HS3ST4: variants seen among roughly 807,000 people sequenced by gnomAD.
HS3ST4 encodes heparan sulfate-glucosamine 3-sulfotransferase 4, also known as heparan sulfate glucosamine 3-O-sulfotransferase 4.
In HS3ST4, 17 loss-of-function variants were observed where a neutral mutation model predicts 29.2. The ratio of observed to expected loss-of-function variants is 0.58; its 90% CI spans 0.40 to 0.87. The LOEUF (loss-of-function observed/expected upper bound fraction) is 0.87, where lower values mean the gene tolerates loss of function less well. HS3ST4 is among the 40% of genes least tolerant of loss of function. The pLI, the probability that HS3ST4 is intolerant of heterozygous loss-of-function variation, is 0.00. For synonymous variants in HS3ST4, 314 were observed against 285.7 expected (o/e 1.10, Z -1.00); for missense variants, 627 against 634.5 (o/e 0.99, Z 0.13).
intron 1 of HS3ST4, among the ~76,000 whole-genome samples, chr16:26,124,522 G>C (rs904245151): frequency 8.5e-5 from 13 of 152,162 alleles, no homozygotes; most frequent in African/African-American, 3.1e-4. Context: ...GAAAACATAC[G>C]TAGTACAAGA....
chr16:25,915,201 G>A (rs529988916), intron 1 of HS3ST4, among the ~76,000 whole-genome samples: 41 of 152,156 alleles, frequency 2.7e-4, no homozygotes, highest in African/African-American at 8.4e-4. Flanking sequence ...TTCACTTCAC[G>A]GAAGCCCAGA....
chr16:25,859,159 C>T (rs972466112), intron 1 of HS3ST4, among the ~76,000 whole-genome samples: 23 of 152,132 alleles, frequency 1.5e-4, no homozygotes, highest in African/African-American at 5.3e-4. Context: ...ATTCAGTCCT[C>T]TCTGTATTTC....
intron 1 of HS3ST4, among the ~76,000 whole-genome samples, chr16:25,848,136 AAC>A (rs771642797): frequency 3.3e-5 from 5 of 151,866 alleles, no homozygotes; most frequent in Non-Finnish European, 7.4e-5. Context: ...GGTATTTGCT[AAC>A]TTTTTTTTTT....
chr16:25,851,280 T>C (rs187242334), intron 1 of HS3ST4, among the ~76,000 whole-genome samples: 63 of 152,292 alleles, frequency 4.1e-4, no homozygotes, highest in Non-Finnish European at 8.4e-4. Context: ...TATTATTTGC[T>C]CACCATTTCT....
intron 1 of HS3ST4, among the ~76,000 whole-genome samples, chr16:25,903,565 C>T (rs977657050): frequency 6.6e-6 from 1 of 152,010 alleles, no homozygotes; most frequent in African/African-American, 2.4e-5. Context: ...CACATAGCAA[C>T]TGACGTTCCT....
intron 1 of HS3ST4, among the ~76,000 whole-genome samples, chr16:26,080,943 G>A (rs1469506610): frequency 2.0e-5 from 3 of 152,130 alleles, no homozygotes; most frequent in Non-Finnish European, 4.4e-5. Flanking sequence ...GCAGCTAAGA[G>A]CTTGTTGGAA....
At chr16:26,116,556 A>G (rs2141806895) in intron 1 of HS3ST4, among the ~76,000 whole-genome samples, 1 of 150,930 alleles carries the variant, frequency 6.6e-6, no homozygotes, top group East Asian at 1.9e-4. Flanking sequence ...TAAGAAAAAT[A>G]AATTTAAAGA....
intron 1 of HS3ST4, among the ~76,000 whole-genome samples, chr16:26,060,866 G>T (rs1898466285): frequency 6.6e-6 from 1 of 152,160 alleles, no homozygotes; most frequent in Non-Finnish European, 1.5e-5. Context: ...TTACTGATTG[G>T]CTGGGTATTC....
chr16:25,956,248 C>T (rs1395335202), intron 1 of HS3ST4, among the ~76,000 whole-genome samples: 2 of 152,172 alleles, frequency 1.3e-5, no homozygotes, highest in Admixed American at 6.5e-5. Flanking sequence ...TCCATGATTT[C>T]GTTCATATTG....
intron 1 of HS3ST4, among the ~76,000 whole-genome samples, chr16:25,857,245 G>T (rs548978295): frequency 7.9e-5 from 12 of 152,152 alleles, no homozygotes; most frequent in Non-Finnish European, 1.5e-5. Flanking sequence ...CAGGTGGGTA[G>T]ATCTTGACTC....
At chr16:26,080,115 C>A (rs4362393) in intron 1 of HS3ST4, among the ~76,000 whole-genome samples, 83,671 of 151,652 alleles carry the variant, frequency 0.55, 23,406 homozygotes, top group Middle Eastern at 0.69. Flanking sequence ...CAGAAATGCT[C>A]TTCACCTCTG....
At chr16:26,065,273 C>CT (rs2141773185) in intron 1 of HS3ST4, among the ~76,000 whole-genome samples, 1 of 152,286 alleles carries the variant, frequency 6.6e-6, no homozygotes, top group South Asian at 2.1e-4. Flanking sequence ...TACATATACA[C>CT]CATGGAATAC....
intron 1 of HS3ST4, among the ~76,000 whole-genome samples, chr16:26,122,700 C>T (rs1156626399): frequency 1.3e-5 from 2 of 152,120 alleles, no homozygotes; most frequent in Non-Finnish European, 1.5e-5. Context: ...TTCTGTGAAT[C>T]AGAGCCATCA....
intron 1 of HS3ST4, among the ~76,000 whole-genome samples, chr16:25,778,749 G>C (rs982557776): frequency 6.6e-6 from 1 of 152,016 alleles, no homozygotes; most frequent in African/African-American, 2.4e-5. Flanking sequence ...AGGAGGAGAA[G>C]AAGGAGGAGG....
At chr16:25,975,377 A>G (rs1200006235) in intron 1 of HS3ST4, among the ~76,000 whole-genome samples, 1 of 152,216 alleles carries the variant, frequency 6.6e-6, no homozygotes, top group East Asian at 1.9e-4. Flanking sequence ...AGGATCACTC[A>G]TACCCCAGAC....
intron 1 of HS3ST4, among the ~76,000 whole-genome samples, chr16:25,879,263 A>C (rs1203651763): frequency 6.6e-6 from 1 of 152,198 alleles, no homozygotes; most frequent in Non-Finnish European, 1.5e-5. Context: ...TTTGGGTAGA[A>C]AGAATGCACT....
intron 1 of HS3ST4, among the ~76,000 whole-genome samples, chr16:25,746,336 C>T (rs1001658664): frequency 6.6e-6 from 1 of 152,120 alleles, no homozygotes; most frequent in African/African-American, 2.4e-5. Context: ...ATTTTCAGGT[C>T]ATAATCTGGA....
In HS3ST4 at chr16:25,947,622, A is replaced by G. The variant is rs143011539; in HGVS notation, c.735-187990A>G. 3.2e-4 allele frequency among the ~76,000 whole-genome samples: 49 copies of G among 152,266 alleles called. 1 individual carries two copies. The East Asian group carries it at 5.0e-3, about 16-fold the overall frequency. The stretch of plus-strand genomic sequence containing the variant: ...AAACGCCCATTTATAGTCTCTGCTC[A>G]TGTCATCTTTGTCAGCATTTCATTG... On this transcript the variant is annotated intron_variant, in intron 1 of 1. Transcript: ENST00000331351.
At chr16:26,102,906 ACTGCT>A (rs1469499247) in intron 1 of HS3ST4, among the ~76,000 whole-genome samples, 1 of 152,222 alleles carries the variant, frequency 6.6e-6, no homozygotes, top group African/African-American at 2.4e-5. Context: ...CAAGCTGGTA[ACTGCT>A]CTGACATTTT....
Sources: allele counts gnomAD v4.1 joint callset (sites outside exome capture counted in the v4.1 genomes callset), GRCh38; gene constraint gnomAD v4.1.1; transcripts MANE v1.5; gene names NCBI Gene and HGNC (gene_info 2026-07-23, HGNC 2026-07-21).